PLPP1: variants seen among roughly 807,000 people sequenced by gnomAD.
PLPP1 encodes the protein lipid phosphate phosphohydrolase 1a.
Under a neutral mutation model 31.2 loss-of-function variants are expected in PLPP1, and 24 were observed. That is an observed-to-expected ratio of 0.77 (90% CI 0.56 to 1.08). PLPP1 has a LOEUF of 1.08. Ranked by LOEUF, PLPP1 falls within the 50% of genes least tolerant of loss-of-function variation. The pLI is 0.00. For synonymous variants in PLPP1, 146 were observed against 126.3 expected (o/e 1.16, Z -1.05); for missense variants, 319 against 342.7 (o/e 0.93, Z 0.55).
chr5:55,480,340 T>TAA (rs1752644220), intron 1 of PLPP1, among the ~76,000 whole-genome samples: 1 of 152,090 alleles, frequency 6.6e-6, no homozygotes, highest in Non-Finnish European at 1.5e-5. Flanking sequence ...AGTATACATA[T>TAA]AATTCAATGG....
chr5:55,471,663 A>G (rs1335193863), intron 2 of PLPP1, among the ~76,000 whole-genome samples: 3 of 152,124 alleles, frequency 2.0e-5, no homozygotes, highest in Admixed American at 6.5e-5. Context: ...TTATTAATCA[A>G]TCATTTGCAA....
At chr5:55,454,361 G>A (rs2111746366) in intron 3 of PLPP1, among the ~76,000 whole-genome samples, 1 of 152,230 alleles carries the variant, frequency 6.6e-6, no homozygotes, top group South Asian at 2.1e-4. Flanking sequence ...TCCCAGAAGA[G>A]TGGCATTAGA....
intron 1 of PLPP1, among the ~76,000 whole-genome samples, chr5:55,480,549 T>C (rs1752648195): frequency 2.0e-5 from 3 of 152,092 alleles, no homozygotes; most frequent in Non-Finnish European, 4.4e-5. Flanking sequence ...TTATACAATA[T>C]GTAGTATTTT....
intron 2 of PLPP1, among the ~76,000 whole-genome samples, chr5:55,472,894 G>C (rs1484477476): frequency 6.6e-6 from 1 of 152,196 alleles, no homozygotes; most frequent in Non-Finnish European, 1.5e-5. Context: ...CATCAACACA[G>C]TGCCCAGCAA....
chr5:55,432,473 C>G (rs1751381879), intron 4 of PLPP1, among the ~76,000 whole-genome samples: 3 of 152,074 alleles, frequency 2.0e-5, no homozygotes, highest in African/African-American at 7.2e-5. Context: ...AGAAGAACAC[C>G]CATTCTCCTC....
intron 1 of PLPP1, among the ~76,000 whole-genome samples, chr5:55,499,609 A>G (rs550652174): frequency 1.2e-4 from 18 of 152,308 alleles, no homozygotes; most frequent in Admixed American, 1.0e-3. Flanking sequence ...TAAAAGATTC[A>G]TAACATTGTT....
intron 3 of PLPP1, among the ~76,000 whole-genome samples, chr5:55,444,743 T>TTGTGTGTGTGTG (rs1554037412): frequency 1.5e-5 from 2 of 137,268 alleles, no homozygotes; most frequent in African/African-American, 5.4e-5. Flanking sequence ...GGATTCTATT[T>TTGTGTGTGTGTG]TGTGTGTGTG....
intron 2 of PLPP1, among the ~76,000 whole-genome samples, chr5:55,473,202 G>GA (rs1752459805): frequency 6.6e-6 from 1 of 152,154 alleles, no homozygotes; most frequent in African/African-American, 2.4e-5. Context: ...TCTTCTAGCA[G>GA]AAAAAATTCA....
At chr5:55,439,820 T>C (rs1485884681) in intron 4 of PLPP1, among the ~76,000 whole-genome samples, 3 of 152,234 alleles carry the variant, frequency 2.0e-5, no homozygotes, top group Non-Finnish European at 4.4e-5. Flanking sequence ...ATGTTATAGC[T>C]GAGAATTTTC....
chr5:55,477,326 T>C (rs1057422581), intron 1 of PLPP1, among the ~76,000 whole-genome samples: 1 of 151,954 alleles, frequency 6.6e-6, no homozygotes, highest in Non-Finnish European at 1.5e-5. Flanking sequence ...CCCTAATCAA[T>C]AACCATACTC....
chr5:55,444,343 A>G (rs1751702736), intron 3 of PLPP1, among the ~76,000 whole-genome samples: 2 of 152,144 alleles, frequency 1.3e-5, no homozygotes, highest in Admixed American at 6.5e-5. Flanking sequence ...GGCCTCCCAA[A>G]GTGCTAGGAT....
chr5:55,512,491 A>AAAGG (rs1429526007), intron 1 of PLPP1, among the ~76,000 whole-genome samples: 3,247 of 16,804 alleles, frequency 0.19, 191 homozygotes, highest in Admixed American at 0.36. Context: ...AAAGAAAGAA[A>AAAGG]GAAAGAAAAG....
chr5:55,507,672 C>T (rs1372549696), intron 1 of PLPP1, among the ~76,000 whole-genome samples: 4 of 152,116 alleles, frequency 2.6e-5, no homozygotes, highest in Non-Finnish European at 4.4e-5. Context: ...CCCAAAGCCA[C>T]GTAGGTTGCA....
chr5:55,492,875 T>C (rs1231929199), intron 1 of PLPP1, among the ~76,000 whole-genome samples: 2 of 152,184 alleles, frequency 1.3e-5, no homozygotes, highest in African/African-American at 4.8e-5. Context: ...CAACACAAGC[T>C]ATCTCTTCCA....
At chr5:55,503,882 T>C (rs1454245511) in intron 1 of PLPP1, among the ~76,000 whole-genome samples, 1 of 31,572 alleles carries the variant, frequency 3.2e-5, no homozygotes, top group East Asian at 1.3e-3. Flanking sequence ...GGGGAAGAAG[T>C]AGAGGGGGGA....
chr5:55,475,144 T>TTTA (rs1304048970), intron 2 of PLPP1, among the ~76,000 whole-genome samples, 155 bp downstream of exon 2: 2 of 152,180 alleles, frequency 1.3e-5, no homozygotes, highest in Middle Eastern at 3.2e-3. Context: ...CCACTTAAAA[T>TTTA]AGCTGAGATT....
At chr5:55,495,682 G>A (rs946947928) in intron 1 of PLPP1, among the ~76,000 whole-genome samples, 1 of 151,932 alleles carries the variant, frequency 6.6e-6, no homozygotes, top group Non-Finnish European at 1.5e-5. Flanking sequence ...GTCTAAGCAT[G>A]CCTTTCTTCA....
At chr5:55,523,005 A>T (rs1753705226) in intron 1 of PLPP1, among the ~76,000 whole-genome samples, 1 of 152,120 alleles carries the variant, frequency 6.6e-6, no homozygotes, top group African/African-American at 2.4e-5. Flanking sequence ...GGCATGACCC[A>T]CCACGCCAGG....
At chr5:55,509,773 C>T (rs1349507500) in intron 1 of PLPP1, among the ~76,000 whole-genome samples, 1 of 152,192 alleles carries the variant, frequency 6.6e-6, no homozygotes, top group African/African-American at 2.4e-5. Flanking sequence ...TTTATTTATA[C>T]ACTAACAAAA....
Sources: allele counts gnomAD v4.1 joint callset (sites outside exome capture counted in the v4.1 genomes callset), GRCh38; gene constraint gnomAD v4.1.1; transcripts MANE v1.5; gene names NCBI Gene and HGNC (gene_info 2026-07-23, HGNC 2026-07-21).